The following ACE variants were observed in gnomAD, a reference collection of about 807,000 sequenced individuals.
The protein encoded by ACE is angiotensin-converting enzyme.
Under a neutral mutation model 162.3 loss-of-function variants are expected in ACE, and 122 were observed. The observed-to-expected ratio is 0.75, with a 90% CI of 0.65 to 0.87. The LOEUF is 0.87. ACE is among the 40% of genes least tolerant of loss of function. The pLI, the probability that ACE is intolerant of heterozygous loss-of-function variation, is 0.00. For missense variants in ACE, 1,799 were observed against 1,735.1 expected, an observed-to-expected ratio of 1.04 and a Z score of -0.65; for synonymous variants, 796 against 720.6, an observed-to-expected ratio of 1.10 and a Z score of -1.68.
intron 15 of ACE, among the ~76,000 whole-genome samples, chr17:63,487,685 C>G (rs925180751): frequency 6.6e-6 from 1 of 152,100 alleles, no homozygotes; most frequent in African/African-American, 2.4e-5. Context: ...AAGAGCTCAC[C>G]CCCGACACAA....
chr17:63,478,348 G>A, intron 2 of ACE: 4 of 551,348 alleles, frequency 7.3e-6, no homozygotes, highest in South Asian at 6.2e-5. Flanking sequence ...CTTCTCCCTA[G>A]GCTGGTTTAT....
At position 63,488,655 on chromosome 17, in the gene ACE, G is replaced by A. The variant is rs747443207; in HGVS notation, c.2313G>A (p.Thr771=). ...GSCLQLEPDL[T]NVMATSRKYE... ...CATTCAAACCCCTACCAGATCTGACGAATGTGATGGCCACGTCCCGGAAAT... is the reference window on the plus strand; with the variant it reads ...CATTCAAACCCCTACCAGATCTGACAAATGTGATGGCCACGTCCCGGAAAT... The change falls in exon 16 of 25, where the codon ACG becomes ACA. Residue 771 remains threonine (T), a synonymous_variant. Coordinates refer to ENST00000290866, the MANE Select transcript of ACE (RefSeq NM_000789.4). 44 of 1,612,970 alleles carry A rather than the reference G, an allele frequency of 2.7e-5. No individual in the cohort carries two copies. The South Asian group carries it at 2.7e-4, about 10-fold the overall frequency.
intron 22 of ACE, among the ~76,000 whole-genome samples, chr17:63,494,985 G>A (rs186356359): frequency 2.6e-4 from 40 of 152,246 alleles, no homozygotes; most frequent in Admixed American, 1.1e-3. Context: ...TTCAAACTCC[G>A]TCTCCATTAC....
At position 63,479,002 on chromosome 17, in the gene ACE, C is replaced by G; in HGVS notation, c.418-5C>G. ...CTGGAGCATTCCTCCCCTCTGACTCCCCAGTACAACGCCCTGCTAAGCAAC... is the reference window on the plus strand; with the variant it reads ...CTGGAGCATTCCTCCCCTCTGACTCGCCAGTACAACGCCCTGCTAAGCAAC... On this transcript the variant is annotated splice_region_variant and splice_polypyrimidine_tract_variant and intron_variant, in intron 2 of 24. Coordinates refer to ENST00000290866, the MANE Select transcript of ACE (RefSeq NM_000789.4). The G allele has an allele frequency of 6.2e-7, 1 of 1,613,076 alleles. No individual in the cohort carries two copies. Among genetic ancestry groups the G allele is most frequent in the East Asian group, 2.2e-5 (1 of 44,826 alleles).
chr17:63,477,789 A>G (rs1033150120), intron 1 of ACE, 142 bp from the exon 2 acceptor site: 2 of 986,814 alleles, frequency 2.0e-6, no homozygotes, highest in Admixed American at 5.4e-5. Context: ...CCGCAAACTA[A>G]GGTCTCCCGC....
At position 63,491,724 on chromosome 17, in the gene ACE, C is replaced by T. The variant is rs2030397108; in HGVS notation, c.2912+343C>T. Reference sequence around the variant, plus strand: ...CTCCCTGGGGGCACATGCTGTGACACAGGGAGGCACACGAGGATGTTGGGT... The same window carrying T: ...CTCCCTGGGGGCACATGCTGTGACATAGGGAGGCACACGAGGATGTTGGGT... On this transcript the variant is annotated intron_variant, in intron 19 of 24. Transcript: ENST00000290866. The surrounding 1 kb of genome is among the most constrained non-coding windows in gnomAD (Gnocchi z 4.4). Among the ~76,000 whole-genome samples the T allele has an allele frequency of 6.6e-6, 1 of 152,198 alleles. No individual in the cohort carries two copies. The highest frequency in any genetic ancestry group is 2.4e-5 in the African/African-American group (1 of 41,454).
At chr17:63,486,888 C>T in intron 14 of ACE, 98 bp from the exon 15 acceptor site, 1 of 1,469,798 alleles carries the variant, frequency 6.8e-7, no homozygotes, top group East Asian at 2.3e-5. Flanking sequence ...AGCTCCCTGG[C>T]TCCCCACCTG....
chr17:63,477,420 G>C, intron 1 of ACE, 77 bp downstream of exon 1: 1 of 1,118,820 alleles, frequency 8.9e-7, no homozygotes, highest in Non-Finnish European at 1.1e-6. Context: ...TTGTGGGGCG[G>C]GCAGGCTGGC....
chr17:63,483,375 C>T (rs56219365), intron 9 of ACE, 85 bp from the exon 10 acceptor site: 21,705 of 1,475,734 alleles, frequency 0.015, 204 homozygotes, highest in Non-Finnish European at 0.018. Context: ...GAAGGGTTGC[C>T]GGGTGGAAAT....
intron 13 of ACE, chr17:63,485,636 T>C: frequency 2.3e-6 from 1 of 434,418 alleles, no homozygotes; most frequent in South Asian, 1.9e-5. Flanking sequence ...ATTAGCCGGG[T>C]GTGGTGGCGA....
At chr17:63,496,369 G>A (rs767541666) in intron 22 of ACE, 25 bp from the exon 23 acceptor site, 56 of 1,613,922 alleles carry the variant, frequency 3.5e-5, no homozygotes, top group Non-Finnish European at 4.3e-5. Flanking sequence ...ACTCCGCCCC[G>A]GGCCACGGCC....
Position 63,491,459 on chromosome 17 carries a change from T to C in ACE, c.2912+78T>C. 5.7e-6 allele frequency: 9 copies of C among 1,580,088 alleles called. No individual in the cohort carries two copies. In the South Asian group the frequency reaches 1.0e-4, roughly 18 times the overall value. On this transcript the variant is annotated intron_variant, in intron 19 of 24. Coordinates refer to ENST00000290866, the MANE Select transcript of ACE (RefSeq NM_000789.4). This position sits in a 1 kb window ranked among gnomAD's most constrained non-coding sequence, Gnocchi z 4.4. The stretch of plus-strand genomic sequence containing the variant: ...ATGAACCAAGCAAAGGGTCCACTAC[T>C]GTCCCCCAGCTGGAGCCAGCAGGGC...
chr17:63,483,567 G>GCGGGGGCCCCCC lies in ACE; in HGVS notation c.1586+10_1586+11insGGGGGCCCCCCC. ...GTGACACCATACATCAGGTATTAGC[G>GCGGGGGCCCCCC]CCCCCACCCCACCCACCCCCAGTAC... is the stretch of plus-strand genomic sequence containing the variant. On this transcript the variant is annotated intron_variant, in intron 10 of 24. Coordinates refer to ENST00000290866, the MANE Select transcript of ACE (RefSeq NM_000789.4). 6.3e-7 allele frequency: 1 copy of GCGGGGGCCCCCC among 1,589,488 alleles called. No individual in the cohort carries two copies. The highest frequency in any genetic ancestry group is 8.6e-7 in the Non-Finnish European group (1 of 1,165,628).
intron 1 of ACE, 109 bp from the exon 2 acceptor site, chr17:63,477,822 C>A: frequency 1.4e-6 from 2 of 1,391,288 alleles, no homozygotes; most frequent in Non-Finnish European, 2.0e-6. Flanking sequence ...AGGGCCCGGG[C>A]TCTGGAAGCC....
intron 4 of ACE, 53 bp downstream of exon 4, chr17:63,479,965 G>A (rs1049379255): frequency 3.2e-6 from 5 of 1,567,152 alleles, no homozygotes; most frequent in African/African-American, 2.7e-5. Flanking sequence ...TCTCTCAGCT[G>A]TCTCCCCAGA....
At chr17:63,496,335 C>G in intron 22 of ACE, 59 bp from the exon 23 acceptor site, 1 of 1,613,232 alleles carries the variant, frequency 6.2e-7, no homozygotes, top group Non-Finnish European at 8.5e-7. Context: ...GGCCTGGGGC[C>G]CAGTGGCACA....
rs551560833 is a variant in ACE, at chr17:63,487,614, C to A, written c.2305+541C>A. ...CCACTTCCTACTGGATAGAAGTAGA[C>A]AGCTCTTGACTGTCCTCTTTTCTCC... On this transcript the variant is annotated intron_variant, in intron 15 of 24. Coordinates refer to ENST00000290866, the MANE Select transcript of ACE (RefSeq NM_000789.4). 1.8e-4 allele frequency among the ~76,000 whole-genome samples: 28 copies of A among 152,314 alleles called. No individual in the cohort carries two copies. In the South Asian group the frequency reaches 5.6e-3, roughly 30 times the overall value.
Position 63,483,506 on chromosome 17 carries a change from C to T in ACE, c.1534C>T (p.His512Tyr). ...ICPPVTRNET[H>Y]FDAGAKFHVP... ...TCCTCCTGTTACCCGAAACGAAACCCACTTTGATGCTGGAGCTAAGTTTCA... is the reference window on the plus strand; with the variant it reads ...TCCTCCTGTTACCCGAAACGAAACCTACTTTGATGCTGGAGCTAAGTTTCA... The change falls in exon 10 of 25, where the codon CAC becomes TAC. Residue 512 changes from histidine (H) to tyrosine (Y), a missense_variant. Transcript: ENST00000290866. The T allele has an allele frequency of 1.2e-6, 2 of 1,614,162 alleles. No homozygotes were observed. The highest frequency in any genetic ancestry group is 1.7e-6 in the Non-Finnish European group (2 of 1,180,038).
At chr17:63,483,376 G>A (rs376105007) in intron 9 of ACE, 84 bp from the exon 10 acceptor site, 47 of 1,470,954 alleles carry the variant, frequency 3.2e-5, no homozygotes, top group South Asian at 2.0e-4. Flanking sequence ...AAGGGTTGCC[G>A]GGTGGAAATG....
Sources: gnomAD v4.1 joint callset for allele counts (sites outside exome capture counted in the v4.1 genomes callset) on GRCh38, gnomAD v4.1.1 for gene constraint, Gnocchi (gnomAD v3.1) non-coding constraint, MANE v1.5 for transcripts, NCBI Gene and HGNC (gene_info 2026-07-23, HGNC 2026-07-21) for gene names.